The following RNF43 variants were observed in gnomAD, a reference collection of about 807,000 sequenced individuals.
The protein encoded by RNF43 is E3 ubiquitin-protein ligase RNF43.
In RNF43, 37 loss-of-function variants were observed where a neutral mutation model predicts 78.4. The ratio of observed to expected loss-of-function variants is 0.47; its 90% CI spans 0.36 to 0.62. The LOEUF is 0.62. Among genes scored for constraint, RNF43 ranks in the 20% least tolerant of loss-of-function variants. RNF43 has a pLI of 0.00. For missense variants in RNF43, 774 were observed against 1,007.9 expected (o/e 0.77, Z 3.14); for synonymous variants, 347 against 395.0 (o/e 0.88, Z 1.44).
In RNF43 at chr17:58,401,507, G is replaced by A. The variant is rs114826670; in HGVS notation, c.252+13819C>T. On this transcript the variant is annotated intron_variant, in intron 2 of 9. Coordinates refer to ENST00000407977, the MANE Select transcript of RNF43 (RefSeq NM_017763.6). ...TCCATTGTCTCTGCCAGGACAGGTGGTATGGTAGAAGTATGGAATCTTGCC... is the reference window on the plus strand; with the variant it reads ...TCCATTGTCTCTGCCAGGACAGGTGATATGGTAGAAGTATGGAATCTTGCC... Among the ~76,000 whole-genome samples, 536 of 152,320 alleles carry A rather than the reference G, an allele frequency of 3.5e-3. 11 individuals carry two copies. Among genetic ancestry groups the A allele is most frequent in the African/African-American group, 0.012 (518 of 41,566 alleles).
chr17:58,369,513 C>T (rs1176962578), intron 3 of RNF43, among the ~76,000 whole-genome samples: 5 of 152,202 alleles, frequency 3.3e-5, no homozygotes, highest in Non-Finnish European at 5.9e-5. Context: ...ACACAAAGGC[C>T]GGGAGTGTCA....
At position 58,358,549 on chromosome 17, in the gene RNF43, C is replaced by T. The variant is rs1972755518; in HGVS notation, c.1227G>A (p.Gln409=). The change falls in exon 9 of 10, where the codon CAG becomes CAA. Residue 409 remains glutamine, a synonymous_variant. Transcript: ENST00000407977. The surrounding 1 kb of genome is among the most constrained non-coding windows in gnomAD (Gnocchi z 6.2). ...GTCCCCAGCCTTGTGCATAGGGGTGCTGGGCTCCTGCCAGGCGCTGCTGCT... is the reference window on the plus strand; with the variant it reads ...GTCCCCAGCCTTGTGCATAGGGGTGTTGGGCTCCTGCCAGGCGCTGCTGCT... ...PGEQQRLAGA[Q]HPYAQGWGLS... 1.2e-6 allele frequency: 2 copies of T among 1,611,052 alleles called. No individual in the cohort carries two copies. Among genetic ancestry groups the T allele is most frequent in the Admixed American group, 1.7e-5 (1 of 59,706 alleles).
At chr17:58,398,387 G>C (rs908622985) in intron 2 of RNF43, among the ~76,000 whole-genome samples, 3 of 152,064 alleles carry the variant, frequency 2.0e-5, no homozygotes, top group Non-Finnish European at 4.4e-5. Context: ...TTGCTTTTTA[G>C]GTCCATTACA....
chr17:58,365,129 C>G (rs994419028), intron 3 of RNF43, among the ~76,000 whole-genome samples: 2 of 152,212 alleles, frequency 1.3e-5, no homozygotes, highest in Non-Finnish European at 2.9e-5. Flanking sequence ...TTGAGAGGTT[C>G]ATGGCTTCCA....
rs968109138 is a variant in RNF43, at chr17:58,415,914, T to G, written c.-337A>C. 4 of 392,936 alleles carry G rather than the reference T, an allele frequency of 1.0e-5. No individual in the cohort carries two copies. The highest frequency in any genetic ancestry group is 4.0e-5 in the African/African-American group (2 of 50,546). 24.3% of individuals were successfully genotyped at this position (392,936 alleles called of 1,614,324 possible). A position where few individuals can be genotyped will look rare whatever the true frequency, so the allele number is the denominator to read the frequency against. On this transcript the variant is annotated 5_prime_UTR_variant, in exon 2 of 10. Transcript: ENST00000407977. ...AATGTCACTTCGTGAATTTGTATTA[T>G]GTCAGATCACTTGGCATTGCTCTTC...
intron 2 of RNF43, among the ~76,000 whole-genome samples, chr17:58,397,611 C>T (rs577363643): frequency 5.3e-5 from 8 of 150,116 alleles, no homozygotes; most frequent in Admixed American, 2.0e-4. Context: ...TACAGTGAGC[C>T]GAGATTGCAC....
chr17:58,371,507 C>T (rs1401934719), intron 2 of RNF43, among the ~76,000 whole-genome samples: 1 of 152,252 alleles, frequency 6.6e-6, no homozygotes, highest in Non-Finnish European at 1.5e-5. Flanking sequence ...TGCCTCCTGC[C>T]TCCTCGGGAT....
intron 2 of RNF43, among the ~76,000 whole-genome samples, chr17:58,408,550 CA>C (rs1973960019): frequency 6.6e-6 from 1 of 152,106 alleles, no homozygotes; most frequent in Non-Finnish European, 1.5e-5. Flanking sequence ...TTTAAGCTAT[CA>C]AACTAAAGAA....
rs1395688936 is a variant in RNF43, at chr17:58,354,889, T to A, written c.*54A>T. 7 of 1,530,144 alleles carry A rather than the reference T, an allele frequency of 4.6e-6. No homozygotes were observed. The East Asian group carries it at 1.6e-4, about 34-fold the overall frequency. 94.8% of individuals were successfully genotyped at this position (1,530,144 alleles called of 1,614,324 possible). A position where few individuals can be genotyped will look rare whatever the true frequency, so the allele number is the denominator to read the frequency against. On this transcript the variant is annotated 3_prime_UTR_variant, in exon 10 of 10. Transcript: ENST00000407977. ...CCCAGGAGCAGGACTCTGTGCCAGGTAGGGCCCAAACACATCTGGAGCACA... is the reference window on the plus strand; with the variant it reads ...CCCAGGAGCAGGACTCTGTGCCAGGAAGGGCCCAAACACATCTGGAGCACA...
At chr17:58,377,242 CACTT>C (rs1973222678) in intron 2 of RNF43, among the ~76,000 whole-genome samples, 1 of 152,186 alleles carries the variant, frequency 6.6e-6, no homozygotes, top group Non-Finnish European at 1.5e-5. Context: ...AAAAGCCTGA[CACTT>C]AGTAAGTGCT....
intron 9 of RNF43, among the ~76,000 whole-genome samples, chr17:58,355,383 G>A (rs147361557): frequency 6.6e-6 from 1 of 152,308 alleles, no homozygotes; most frequent in East Asian, 1.9e-4. Context: ...CAGGAGTCAC[G>A]AGAGATGCAT....
intron 3 of RNF43, among the ~76,000 whole-genome samples, chr17:58,365,653 T>C (rs919855915): frequency 6.6e-6 from 1 of 152,166 alleles, no homozygotes; most frequent in Non-Finnish European, 1.5e-5. Context: ...AAAGCAAGAT[T>C]TGGGGACAGA....
At chr17:58,371,108 C>T (rs1243040231) in intron 2 of RNF43, 75 bp from the exon 3 acceptor site, 8 of 1,387,656 alleles carry the variant, frequency 5.8e-6, no homozygotes, top group Non-Finnish European at 7.7e-6. Flanking sequence ...TATACCTCTC[C>T]ATTTTTCTAG....
In RNF43 at chr17:58,415,640, C is replaced by T. The variant is rs2143698691; in HGVS notation, c.-63G>A. On this transcript the variant is annotated 5_prime_UTR_variant, in exon 2 of 10. Coordinates refer to ENST00000407977, the MANE Select transcript of RNF43 (RefSeq NM_017763.6). ...TGCTTCCACTAGCTAATACCAAATG[C>T]AGGTTCTCAGATCCAGACAAATGGA... 2 of 1,558,716 alleles carry T rather than the reference C, an allele frequency of 1.3e-6. No homozygotes were observed. Among genetic ancestry groups the T allele is most frequent in the Non-Finnish European group, 1.7e-6 (2 of 1,149,284 alleles).
chr17:58,355,557 C>T (rs189881212), intron 9 of RNF43, among the ~76,000 whole-genome samples: 1 of 152,110 alleles, frequency 6.6e-6, no homozygotes, highest in Non-Finnish European at 1.5e-5. Context: ...ATTGTTTACC[C>T]AGTTTGGCTA....
rs757938809 is a variant in RNF43 at position 58,357,965 on chromosome 17, G to A, written c.1811C>T (p.Ala604Val). ...GTTAGAGAGCCGCCCCGAAGGGGCT[G>A]CTGAGTTGGATCTGGTGACTTGCTG... is the stretch of plus-strand genomic sequence containing the variant. Reference protein sequence around the residue: ...PDQQVTRSNSAAPSGRLSNPQ... With the variant: ...PDQQVTRSNSVAPSGRLSNPQ... Residue 604 changes from alanine to valine, a missense_variant, in exon 9 of 10, where the codon GCA becomes GTA. Physicochemically the swap from Ala to Val is moderately conservative, Grantham distance 64. Coordinates refer to ENST00000407977, the MANE Select transcript of RNF43 (RefSeq NM_017763.6). The surrounding 1 kb of genome is among the most constrained non-coding windows in gnomAD (Gnocchi z 4.5). 5.6e-6 allele frequency: 9 copies of A among 1,610,750 alleles called. No individual in the cohort carries two copies. In the African/African-American group the frequency reaches 1.2e-4, roughly 22 times the overall value.
At chr17:58,399,541 A>T (rs769825698) in intron 2 of RNF43, among the ~76,000 whole-genome samples, 1 of 152,132 alleles carries the variant, frequency 6.6e-6, no homozygotes, top group Non-Finnish European at 1.5e-5. Context: ...CCCCTTCACA[A>T]TCCTGAACTC....
chr17:58,370,836 A>G (rs939247345), intron 3 of RNF43, 75 bp downstream of exon 3: 12 of 1,413,536 alleles, frequency 8.5e-6, no homozygotes, highest in Middle Eastern at 2.1e-4. Flanking sequence ...CATGGGGACA[A>G]GAGAGCACAG....
At chr17:58,409,685 T>C (rs758381328) in intron 2 of RNF43, among the ~76,000 whole-genome samples, 3 of 152,102 alleles carry the variant, frequency 2.0e-5, no homozygotes, top group Non-Finnish European at 4.4e-5. Flanking sequence ...GGAATACCTT[T>C]AATACTGCAG....
Sources: gnomAD v4.1 joint callset for allele counts (sites outside exome capture counted in the v4.1 genomes callset) on GRCh38, gnomAD v4.1.1 for gene constraint, Gnocchi (gnomAD v3.1) non-coding constraint, MANE v1.5 for transcripts, NCBI Gene and HGNC (gene_info 2026-07-23, HGNC 2026-07-21) for gene names.